The following EIF4G3 variants were observed in gnomAD, a reference collection of about 807,000 sequenced individuals.
The protein encoded by EIF4G3 is eIF-4-gamma 3.
Under a neutral mutation model 186.4 loss-of-function variants are expected in EIF4G3, and 34 were observed. The observed-to-expected ratio is 0.18, with a 90% CI of 0.14 to 0.24. The LOEUF (loss-of-function observed/expected upper bound fraction) is 0.24. Among genes scored for constraint, EIF4G3 ranks in the 10% least tolerant of loss-of-function variants. The pLI is 1.00. For synonymous variants in EIF4G3, 673 were observed against 679.5 expected, an observed-to-expected ratio of 0.99 and a Z score of 0.15; for missense variants, 1,536 against 1,948.5, an observed-to-expected ratio of 0.79 and a Z score of 3.99.
intron 20 of EIF4G3, among the ~76,000 whole-genome samples, chr1:20,871,196 A>T (rs2079105527): frequency 6.6e-6 from 1 of 152,242 alleles, no homozygotes; most frequent in Non-Finnish European, 1.5e-5. Context: ...TGTGAATGAC[A>T]TGGAAAGAGA....
rs16860472 is a variant in EIF4G3, at chr1:20,843,187, T to C, written c.3889-2159A>G. Among the ~76,000 whole-genome samples the C allele has an allele frequency of 3.7e-3, 556 of 152,078 alleles. 1 individual carries two copies. The highest frequency in any genetic ancestry group is 0.013 in the African/African-American group (531 of 41,496). The stretch of plus-strand genomic sequence containing the variant: ...TTTAAGCCAATCAACATCATTGTTA[T>C]GCCTTTTCAAGAGGACTTGTAAATG... On this transcript the variant is annotated intron_variant, in intron 29 of 36. Coordinates refer to ENST00000602326, the MANE Select transcript of EIF4G3 (RefSeq NM_001391906.1).
intron 20 of EIF4G3, among the ~76,000 whole-genome samples, chr1:20,873,963 A>ATT (rs1276081776): frequency 6.6e-6 from 1 of 151,860 alleles, no homozygotes; most frequent in Non-Finnish European, 1.5e-5. Context: ...TTCCAGTGTT[A>ATT]TTTTGCTGAG....
At chr1:21,044,773 A>G (rs1172614862) in intron 4 of EIF4G3, among the ~76,000 whole-genome samples, 1 of 151,684 alleles carries the variant, frequency 6.6e-6, no homozygotes, top group Non-Finnish European at 1.5e-5. Context: ...TCAGCCTCCC[A>G]AGTAGCTGGG....
At chr1:21,023,433 T>C (rs1211856199) in intron 4 of EIF4G3, among the ~76,000 whole-genome samples, 1 of 151,780 alleles carries the variant, frequency 6.6e-6, no homozygotes, top group East Asian at 1.9e-4. Flanking sequence ...CATGCCTGAC[T>C]GGTTTTGGTG....
At chr1:20,864,744 A>G in intron 21 of EIF4G3, 32 bp from the exon 22 acceptor site, 1 of 1,555,838 alleles carries the variant, frequency 6.4e-7, no homozygotes, top group African/African-American at 1.4e-5. Context: ...TAGCATCTTG[A>G]TGATGAAAGT....
intron 4 of EIF4G3, among the ~76,000 whole-genome samples, chr1:21,048,675 G>A (rs531764358): frequency 6.6e-6 from 1 of 152,166 alleles, no homozygotes; most frequent in South Asian, 2.1e-4. Context: ...AAACCTCCCT[G>A]CGAACAGCTT....
At chr1:21,129,719 A>G (rs531585118) in intron 2 of EIF4G3, among the ~76,000 whole-genome samples, 1 of 151,756 alleles carries the variant, frequency 6.6e-6, no homozygotes, top group South Asian at 2.1e-4. Context: ...AGAAGTAACA[A>G]CCCCCCACCC....
At chr1:21,033,979 C>T (rs939165430) in intron 4 of EIF4G3, among the ~76,000 whole-genome samples, 1 of 152,114 alleles carries the variant, frequency 6.6e-6, no homozygotes, top group African/African-American at 2.4e-5. Flanking sequence ...GTACTAACTA[C>T]TTGGGAGGCT....
intron 14 of EIF4G3, among the ~76,000 whole-genome samples, chr1:20,928,512 C>G (rs1192821216): frequency 6.6e-6 from 1 of 152,116 alleles, no homozygotes; most frequent in African/African-American, 2.4e-5. Context: ...AAGAGATTCT[C>G]CTGTCTCAGC....
chr1:20,950,998 C>T (rs2096190947), intron 12 of EIF4G3, among the ~76,000 whole-genome samples: 1 of 152,054 alleles, frequency 6.6e-6, no homozygotes, highest in African/African-American at 2.4e-5. Flanking sequence ...TTTTTGGTAT[C>T]TATAATATCC....
intron 12 of EIF4G3, among the ~76,000 whole-genome samples, chr1:20,966,240 T>TA (rs1558474735): frequency 6.6e-6 from 1 of 152,218 alleles, no homozygotes; most frequent in African/African-American, 2.4e-5. Flanking sequence ...TGTTGAATCC[T>TA]AAATTCTGAT....
chr1:21,098,547 A>G (rs1323838339), intron 2 of EIF4G3, among the ~76,000 whole-genome samples: 1 of 143,610 alleles, frequency 7.0e-6, no homozygotes, highest in East Asian at 2.3e-4. Context: ...CTCGAAAAAA[A>G]AAAAAAAAAA....
intron 4 of EIF4G3, among the ~76,000 whole-genome samples, chr1:21,020,115 ATT>A (rs1354230618): frequency 6.6e-6 from 1 of 152,070 alleles, no homozygotes. Flanking sequence ...ACTTAACAAC[ATT>A]TTCTTACTTA....
At chr1:20,976,960 T>C (rs1229072643) in intron 10 of EIF4G3, among the ~76,000 whole-genome samples, 5 of 151,960 alleles carry the variant, frequency 3.3e-5, no homozygotes, top group African/African-American at 9.7e-5. Flanking sequence ...AGAAGTTCTA[T>C]AGATAATGAA....
chr1:20,829,144 T>C lies in EIF4G3; in HGVS notation c.4187+3A>G. ...TATATCAAGAGAAACAAGTATAACT[T>C]ACATGGTAAGTTCTCTCATGGAGAT... On this transcript the variant is annotated splice_donor_region_variant and intron_variant, in intron 31 of 36. Transcript: ENST00000602326. 6.2e-7 allele frequency: 1 copy of C among 1,613,254 alleles called. No homozygotes were observed. Among genetic ancestry groups the C allele is most frequent in the Non-Finnish European group, 8.5e-7 (1 of 1,179,704 alleles).
intron 4 of EIF4G3, among the ~76,000 whole-genome samples, chr1:21,031,194 C>A (rs1025681038): frequency 5.4e-5 from 8 of 149,486 alleles, no homozygotes; most frequent in Non-Finnish European, 7.4e-5. Context: ...AAAAAAAAAA[C>A]ACAACAACAA....
At chr1:20,903,668 A>C (rs752781802) in intron 15 of EIF4G3, among the ~76,000 whole-genome samples, 18 of 152,198 alleles carry the variant, frequency 1.2e-4, no homozygotes, top group South Asian at 2.1e-4. Flanking sequence ...AGTGGTTGCT[A>C]TGGGACTAAC....
intron 4 of EIF4G3, among the ~76,000 whole-genome samples, chr1:21,037,186 G>A (rs1415300433): frequency 6.6e-6 from 1 of 150,736 alleles, no homozygotes; most frequent in Non-Finnish European, 1.5e-5. Flanking sequence ...AGCTTGTACT[G>A]GTAAACTTTT....
At chr1:20,939,861 T>TG (rs1275267860) in intron 14 of EIF4G3, among the ~76,000 whole-genome samples, 2 of 144,792 alleles carry the variant, frequency 1.4e-5, no homozygotes, top group South Asian at 2.3e-4. Flanking sequence ...TTTTTTTTTT[T>TG]TTTTTTTTTT....
Sources: gnomAD v4.1 joint callset for allele counts (sites outside exome capture counted in the v4.1 genomes callset) on GRCh38, gnomAD v4.1.1 for gene constraint, MANE v1.5 for transcripts, NCBI Gene and HGNC (gene_info 2026-07-23, HGNC 2026-07-21) for gene names.